The following SVIL variants were observed in gnomAD, a reference collection of about 807,000 sequenced individuals.
SVIL encodes archvillin.
In SVIL, 101 loss-of-function variants were observed where a neutral mutation model predicts 240.4. The ratio of observed to expected loss-of-function variants is 0.42; its 90% CI spans 0.36 to 0.50. The LOEUF (loss-of-function observed/expected upper bound fraction) is 0.50. Ranked by LOEUF, SVIL falls within the 20% of genes least tolerant of loss-of-function variation. The pLI, the probability that SVIL is intolerant of heterozygous loss-of-function variation, is 0.01. For synonymous variants in SVIL, 999 were observed against 1,100.0 expected, an observed-to-expected ratio of 0.91 and a Z score of 1.82; for missense variants, 2,512 against 2,818.7, an observed-to-expected ratio of 0.89 and a Z score of 2.46.
At chr10:29,707,790 C>T (rs186799135) in intron 1 of SVIL, among the ~76,000 whole-genome samples, 14 of 152,136 alleles carry the variant, frequency 9.2e-5, no homozygotes, top group Admixed American at 2.0e-4. Flanking sequence ...AAGGACTTTT[C>T]GTGTATTATT....
chr10:29,526,305 CTTT>C (rs36004446), intron 13 of SVIL, among the ~76,000 whole-genome samples: 342 of 114,984 alleles, frequency 3.0e-3, no homozygotes, highest in African/African-American at 0.011. Context: ...TTTTCTCTTT[CTTT>C]TTTTTTTTTT....
intron 1 of SVIL, chr10:29,576,118 T>C (rs1955684577): frequency 2.6e-5 from 26 of 985,238 alleles, no homozygotes; most frequent in Non-Finnish European, 2.7e-5. Context: ...CCGAATACGT[T>C]TGGCTTCATT....
intron 16 of SVIL, among the ~76,000 whole-genome samples, chr10:29,520,160 G>A (rs16930380): frequency 1.3e-5 from 2 of 152,160 alleles, no homozygotes; most frequent in African/African-American, 2.4e-5. Flanking sequence ...AGATGGGAAG[G>A]CTCCTTTAAA....
chr10:29,529,175 C>CAAAAAA (rs66523560), intron 12 of SVIL, among the ~76,000 whole-genome samples: 39 of 66,040 alleles, frequency 5.9e-4, no homozygotes, highest in East Asian at 2.0e-3. Flanking sequence ...GACTCTCTCT[C>CAAAAAA]AAAAAAAAAA....
At chr10:29,674,892 G>A (rs554070014) in intron 2 of SVIL, among the ~76,000 whole-genome samples, 1 of 152,066 alleles carries the variant, frequency 6.6e-6, no homozygotes, top group Non-Finnish European at 1.5e-5. Context: ...TGTGTCCCAC[G>A]GCATCACTCT....
chr10:29,695,953 C>CTCCCTA (rs1961940783), intron 1 of SVIL, among the ~76,000 whole-genome samples: 1 of 137,992 alleles, frequency 7.2e-6, no homozygotes, highest in African/African-American at 2.8e-5. Flanking sequence ...CCCTCTCCCT[C>CTCCCTA]TCCCGTCTCC....
intron 17 of SVIL, among the ~76,000 whole-genome samples, chr10:29,507,235 A>G (rs1274768105): frequency 1.3e-5 from 2 of 152,070 alleles, no homozygotes; most frequent in Non-Finnish European, 2.9e-5. Context: ...TGCCTCCACC[A>G]TATCCTCCTC....
At chr10:29,644,987 TA>T (rs941906439) in intron 3 of SVIL, among the ~76,000 whole-genome samples, 63 of 140,854 alleles carry the variant, frequency 4.5e-4, no homozygotes, top group South Asian at 4.5e-4. Context: ...TGGAGGACAC[TA>T]AAAAAAAAAA....
chr10:29,522,730 C>A, intron 15 of SVIL, 95 bp from the exon 16 acceptor site: 2 of 1,367,124 alleles, frequency 1.5e-6, no homozygotes, highest in Non-Finnish European at 2.0e-6. Context: ...GGGTTCAATC[C>A]GTGGGCACAC....
At chr10:29,598,693 C>G (rs1956693003) in intron 1 of SVIL, among the ~76,000 whole-genome samples, 1 of 152,206 alleles carries the variant, frequency 6.6e-6, no homozygotes, top group Non-Finnish European at 1.5e-5. Flanking sequence ...TCAGCAGCAA[C>G]TGTCTCTGGG....
chr10:29,496,896 G>A (rs1451006990), intron 18 of SVIL, among the ~76,000 whole-genome samples: 1 of 152,180 alleles, frequency 6.6e-6, no homozygotes, highest in Non-Finnish European at 1.5e-5. Context: ...GCTAGAAGCT[G>A]GAAAACCTGA....
At chr10:29,562,007 T>C (rs1267714692) in intron 3 of SVIL, among the ~76,000 whole-genome samples, 2 of 152,196 alleles carry the variant, frequency 1.3e-5, no homozygotes, top group African/African-American at 4.8e-5. Flanking sequence ...ACCCGTTCAG[T>C]TCCTCAGGAT....
intron 1 of SVIL, among the ~76,000 whole-genome samples, chr10:29,621,691 G>A (rs985336704): frequency 6.6e-6 from 1 of 152,188 alleles, no homozygotes; most frequent in Non-Finnish European, 1.5e-5. Context: ...GGAGGTCCAC[G>A]ACCTGGGGGT....
chr10:29,498,487 C>T (rs1453412994), intron 18 of SVIL, among the ~76,000 whole-genome samples: 5 of 152,194 alleles, frequency 3.3e-5, no homozygotes, highest in African/African-American at 1.2e-4. Flanking sequence ...TTGAAACCTA[C>T]ACTTGCACTC....
chr10:29,666,949 A>G lies in SVIL; in HGVS notation c.-300-8881T>C, dbSNP rs1355915048. Among the ~76,000 whole-genome samples, 3 of 152,238 alleles carry G rather than the reference A, an allele frequency of 2.0e-5. No homozygotes were observed. The East Asian group carries it at 5.8e-4, about 30-fold the overall frequency. Reference sequence around the variant, plus strand: ...ACCCAGTTTTGGGTATGTCTTTATTAGCAGCATGAGAAAAGACTAATACAG... The same window carrying G: ...ACCCAGTTTTGGGTATGTCTTTATTGGCAGCATGAGAAAAGACTAATACAG... On this transcript the variant is annotated intron_variant, in intron 2 of 35. Coordinates refer to the SVIL transcript ENST00000375400.
intron 29 of SVIL, among the ~76,000 whole-genome samples, chr10:29,478,238 A>T (rs528927051): frequency 1.6e-4 from 25 of 152,232 alleles, no homozygotes; most frequent in Admixed American, 1.4e-3. Context: ...CAAAAGCAAA[A>T]GCGTAAGTCC....
At chr10:29,565,246 A>C (rs1437914072) in intron 2 of SVIL, among the ~76,000 whole-genome samples, 1 of 152,188 alleles carries the variant, frequency 6.6e-6, no homozygotes, top group East Asian at 1.9e-4. Flanking sequence ...AAAAGCAAGA[A>C]ACTGTCCCTG....
intron 1 of SVIL, among the ~76,000 whole-genome samples, chr10:29,609,493 C>A (rs944583182): frequency 6.6e-6 from 1 of 152,230 alleles, no homozygotes; most frequent in Non-Finnish European, 1.5e-5. Context: ...CATGTCCCCC[C>A]ACTCACCACA....
At chr10:29,602,955 C>T (rs112412252) in intron 1 of SVIL, among the ~76,000 whole-genome samples, 20 of 152,204 alleles carry the variant, frequency 1.3e-4, no homozygotes, top group African/African-American at 4.8e-4. Context: ...CATTGCATTC[C>T]AGCCTGGGCA....
Sources: allele counts gnomAD v4.1 joint callset (sites outside exome capture counted in the v4.1 genomes callset), GRCh38; gene constraint gnomAD v4.1.1; transcripts MANE v1.5; gene names NCBI Gene and HGNC (gene_info 2026-07-23, HGNC 2026-07-21).